Variants in PDE4B observed in about 807,000 individuals in gnomAD.
The protein encoded by PDE4B is 3',5'-cyclic-AMP phosphodiesterase 4B.
Under a neutral mutation model 82.2 loss-of-function variants are expected in PDE4B, and 20 were observed. That is an observed-to-expected ratio of 0.24 (90% CI 0.17 to 0.35). The LOEUF is 0.35. Among genes scored for constraint, PDE4B ranks in the 10% least tolerant of loss-of-function variants. PDE4B has a pLI of 1.00. For missense variants in PDE4B, 655 were observed against 907.2 expected, an observed-to-expected ratio of 0.72 and a Z score of 3.57; for synonymous variants, 320 against 318.9, an observed-to-expected ratio of 1.00 and a Z score of -0.04.
chr1:65,903,044 G>C (rs140122341), intron 1 of PDE4B, among the ~76,000 whole-genome samples: 131 of 152,168 alleles, frequency 8.6e-4, no homozygotes, highest in Non-Finnish European at 4.3e-4. Context: ...ACATTACAAA[G>C]GTGGTATTTT....
Position 66,259,684 on chromosome 1 carries a change from G to T in PDE4B, c.584+1821G>T, listed in dbSNP as rs548120483. ...TGTGTGCCCTTTAGGAGTAAGAATTGGGTTTAGTTTTTCTTGAATTCCCAA... is the reference window on the plus strand; with the variant it reads ...TGTGTGCCCTTTAGGAGTAAGAATTTGGTTTAGTTTTTCTTGAATTCCCAA... On this transcript the variant is annotated intron_variant, in intron 6 of 16. Coordinates refer to ENST00000341517, the MANE Select transcript of PDE4B (RefSeq NM_002600.4). Among the ~76,000 whole-genome samples the T allele has an allele frequency of 9.9e-5, 15 of 152,236 alleles. No individual in the cohort carries two copies. In the East Asian group the frequency reaches 2.9e-3, roughly 29 times the overall value.
intron 1 of PDE4B, among the ~76,000 whole-genome samples, chr1:65,860,194 C>T (rs528579213): frequency 6.6e-6 from 1 of 152,306 alleles, no homozygotes; most frequent in South Asian, 2.1e-4. Flanking sequence ...ACTCTCCCTC[C>T]CCTCACCGCT....
Position 65,929,045 on chromosome 1 carries a change from C to A in PDE4B, c.281+10210C>A, listed in dbSNP as rs968355170. 3.9e-5 allele frequency among the ~76,000 whole-genome samples: 6 copies of A among 152,174 alleles called. No homozygotes were observed. The East Asian group carries it at 9.6e-4, about 24-fold the overall frequency. The stretch of plus-strand genomic sequence containing the variant: ...TATAAATGAGAAAACTCAAGCAGTT[C>A]TTTTCCAGTGTAGCGCACCTCCTCA... On this transcript the variant is annotated intron_variant, in intron 3 of 16. Coordinates refer to ENST00000341517, the MANE Select transcript of PDE4B (RefSeq NM_002600.4).
At chr1:66,039,792 A>C (rs1392790837) in intron 3 of PDE4B, among the ~76,000 whole-genome samples, 1 of 152,094 alleles carries the variant, frequency 6.6e-6, no homozygotes, top group Non-Finnish European at 1.5e-5. Context: ...CATCTTGTGA[A>C]GTATTTAATA....
At chr1:66,307,790 T>G (rs1658387444) in intron 7 of PDE4B, among the ~76,000 whole-genome samples, 1 of 152,026 alleles carries the variant, frequency 6.6e-6, no homozygotes, top group Non-Finnish European at 1.5e-5. Context: ...TTTTTGTTGT[T>G]GCTGTTGTTA....
At chr1:65,896,407 C>G (rs1275063606) in intron 1 of PDE4B, among the ~76,000 whole-genome samples, 2 of 152,088 alleles carry the variant, frequency 1.3e-5, no homozygotes, top group African/African-American at 4.8e-5. Context: ...TGTGTCCCTC[C>G]CATGACATAT....
At chr1:66,066,400 A>C (rs1655849871) in intron 3 of PDE4B, among the ~76,000 whole-genome samples, 1 of 151,816 alleles carries the variant, frequency 6.6e-6, no homozygotes, top group Non-Finnish European at 1.5e-5. Flanking sequence ...AAATTTCCTA[A>C]GTGTTCAAAG....
At chr1:65,880,430 G>T (rs1343870394) in intron 1 of PDE4B, among the ~76,000 whole-genome samples, 1 of 152,162 alleles carries the variant, frequency 6.6e-6, no homozygotes, top group Non-Finnish European at 1.5e-5. Flanking sequence ...TCTTGTTATG[G>T]TCTGAATGTG....
rs140105527 is a variant in PDE4B, at chr1:66,292,422, C to A, written c.634+26335C>A. ...GGCAAAGCGAGGGTTTAGAATTATA[C>A]TTTTGCCTTTGAAGGCCAAGTCATT... On this transcript the variant is annotated intron_variant, in intron 7 of 16. Transcript: ENST00000341517. Among the ~76,000 whole-genome samples the A allele has an allele frequency of 1.2e-3, 176 of 152,296 alleles. 2 individuals are homozygous for A. The highest frequency in any genetic ancestry group is 3.9e-3 in the African/African-American group (164 of 41,566).
chr1:65,810,907 C>T (rs757976558), intron 1 of PDE4B, among the ~76,000 whole-genome samples: 3 of 152,094 alleles, frequency 2.0e-5, no homozygotes, highest in Non-Finnish European at 4.4e-5. Context: ...CTAAACGCTT[C>T]GAATACGTTA....
chr1:66,220,787 T>C (rs955678571), intron 3 of PDE4B, among the ~76,000 whole-genome samples: 1 of 152,108 alleles, frequency 6.6e-6, no homozygotes, highest in African/African-American at 2.4e-5. Flanking sequence ...GGTAATAACA[T>C]TGATTGGAAT....
intron 8 of PDE4B, chr1:66,354,601 A>C: frequency 3.8e-6 from 5 of 1,332,030 alleles, no homozygotes; most frequent in Non-Finnish European, 4.8e-6. Context: ...GCAATTCCTG[A>C]TTTCATTACT....
intron 1 of PDE4B, among the ~76,000 whole-genome samples, chr1:65,903,322 C>A (rs11582520): frequency 0.16 from 24,650 of 152,006 alleles, 2,308 homozygotes; most frequent in Middle Eastern, 0.3. Context: ...ATGGATGAGT[C>A]CATTCTTAGG....
At chr1:66,230,460 A>G (rs756467879) in intron 3 of PDE4B, among the ~76,000 whole-genome samples, 5 of 152,210 alleles carry the variant, frequency 3.3e-5, no homozygotes, top group African/African-American at 7.2e-5. Flanking sequence ...CTTTGTGTTT[A>G]CAACTTTAAA....
chr1:66,039,567 A>G (rs1323152763), intron 3 of PDE4B, among the ~76,000 whole-genome samples: 2 of 151,980 alleles, frequency 1.3e-5, no homozygotes. Context: ...TCATGTCTCT[A>G]TATATCTATA....
At chr1:65,826,413 C>T (rs1286781471) in intron 1 of PDE4B, among the ~76,000 whole-genome samples, 1 of 152,048 alleles carries the variant, frequency 6.6e-6, no homozygotes, top group Non-Finnish European at 1.5e-5. Context: ...TCCCTGGGAC[C>T]ATAATATTTA....
At chr1:65,890,627 A>G (rs185227141) in intron 1 of PDE4B, among the ~76,000 whole-genome samples, 1 of 152,162 alleles carries the variant, frequency 6.6e-6, no homozygotes, top group East Asian at 1.9e-4. Flanking sequence ...CTGCAATCAG[A>G]GTTGTAGGAG....
At chr1:66,365,526 C>T in intron 12 of PDE4B, 141 bp from the exon 13 acceptor site, 2 of 537,918 alleles carry the variant, frequency 3.7e-6, no homozygotes, top group South Asian at 2.9e-5. Context: ...TCTACATTTA[C>T]TTAAATTAGT....
chr1:66,061,081 C>T (rs758663528), intron 3 of PDE4B, among the ~76,000 whole-genome samples: 1 of 151,214 alleles, frequency 6.6e-6, no homozygotes, highest in Non-Finnish European at 1.5e-5. Flanking sequence ...CTCTAGAACA[C>T]GTTCTTTGAA....
Sources: gnomAD v4.1 joint callset for allele counts (sites outside exome capture counted in the v4.1 genomes callset) on GRCh38, gnomAD v4.1.1 for gene constraint, MANE v1.5 for transcripts, NCBI Gene and HGNC (gene_info 2026-07-23, HGNC 2026-07-21) for gene names.